Variants in MINK1 observed in about 807,000 individuals in gnomAD.
MINK1 encodes misshapen-like kinase 1.
Under a neutral mutation model 178.4 loss-of-function variants are expected in MINK1, and 46 were observed. The ratio of observed to expected loss-of-function variants is 0.26; its 90% CI spans 0.20 to 0.33. The LOEUF (loss-of-function observed/expected upper bound fraction) is 0.33, where lower values mean the gene tolerates loss of function less well. Ranked by LOEUF, MINK1 falls within the 10% of genes least tolerant of loss-of-function variation. The probability of loss-of-function intolerance (pLI) is 1.00; values close to 1 mark genes in which losing one functional copy is unlikely to be tolerated. For missense variants in MINK1, 1,366 were observed against 1,814.9 expected, an observed-to-expected ratio of 0.75 and a Z score of 4.49; for synonymous variants, 797 against 709.7, an observed-to-expected ratio of 1.12 and a Z score of -1.96.
Position 4,841,528 on chromosome 17 carries a change from T to A in MINK1, c.57+7888T>A, listed in dbSNP as rs11651691. Reference sequence around the variant, plus strand: ...TGTTTTTTTCCCACAAAGCCCCCCCTCCGATTTTGCCAGCCTTTACTGATC... The same window carrying A: ...TGTTTTTTTCCCACAAAGCCCCCCCACCGATTTTGCCAGCCTTTACTGATC... On this transcript the variant is annotated intron_variant, in intron 1 of 31. Coordinates refer to ENST00000355280, the MANE Select transcript of MINK1 (RefSeq NM_153827.5). Among the ~76,000 whole-genome samples the A allele has an allele frequency of 4.6e-3, 694 of 150,128 alleles. 6 individuals carry two copies. The highest frequency in any genetic ancestry group is 0.015 in the African/African-American group (627 of 40,942).
At chr17:4,881,461 C>T (rs1252552079) in intron 4 of MINK1, among the ~76,000 whole-genome samples, 1 of 152,196 alleles carries the variant, frequency 6.6e-6, no homozygotes, top group African/African-American at 2.4e-5. Context: ...TGCAGCATCT[C>T]ATCCTTTGAG....
In MINK1 at chr17:4,870,755, G is replaced by T. The variant is rs866947686; in HGVS notation, c.58-7562G>T. ...CAGGAGGATTGCTTGAGCTCAGGAGGTGGAGGTTGCAGTGAGCTGAGATTA... is the reference window on the plus strand; with the variant it reads ...CAGGAGGATTGCTTGAGCTCAGGAGTTGGAGGTTGCAGTGAGCTGAGATTA... On this transcript the variant is annotated intron_variant, in intron 1 of 31. Coordinates refer to ENST00000355280, the MANE Select transcript of MINK1 (RefSeq NM_153827.5). 2.6e-5 allele frequency among the ~76,000 whole-genome samples: 4 copies of T among 152,230 alleles called. 1 individual carries two copies. The South Asian group carries it at 8.3e-4, about 32-fold the overall frequency.
chr17:4,876,441 A>G (rs773713764), intron 1 of MINK1, among the ~76,000 whole-genome samples: 9 of 152,190 alleles, frequency 5.9e-5, no homozygotes, highest in African/African-American at 9.7e-5. Flanking sequence ...GAAAATGGAA[A>G]AAGTGCACAG....
In MINK1 at chr17:4,895,357, C is replaced by T. The variant is rs1597588826; in HGVS notation, c.3093C>T (p.Asn1031=). The change falls in exon 26 of 32, where the codon AAC becomes AAT. Residue 1031 remains asparagine (N), a synonymous_variant. Transcript: ENST00000355280. The surrounding 1 kb of genome is among the most constrained non-coding windows in gnomAD (Gnocchi z 4.3). ...EILCAALWGV[N]LLVGTENGLM... is the part of the protein sequence containing the mutation. ...CAAGGGCTCCTGTTGCAGGGGTCAA[C>T]CTGCTGGTGGGCACGGAGAACGGGC... is the stretch of plus-strand genomic sequence containing the variant. The T allele has an allele frequency of 1.2e-6, 2 of 1,604,594 alleles. No individual in the cohort carries two copies. Among genetic ancestry groups the T allele is most frequent in the East Asian group, 2.2e-5 (1 of 44,784 alleles).
chr17:4,833,724 T>C lies in MINK1; in HGVS notation c.57+84T>C, dbSNP rs1210828490. 1 of 1,192,510 alleles carries C rather than the reference T, an allele frequency of 8.4e-7. No individual in the cohort carries two copies. Among genetic ancestry groups the C allele is most frequent in the East Asian group, 3.2e-5 (1 of 31,668 alleles). 73.9% of individuals were successfully genotyped at this position (1,192,510 alleles called of 1,614,324 possible). A position where few individuals can be genotyped will look rare whatever the true frequency, so the allele number is the denominator to read the frequency against. ...CGGGGTGGCTGCACGCCTCACGTGC[T>C]CCCGGGCGCCCCCTCCACCAGCTTG... On this transcript the variant is annotated intron_variant, in intron 1 of 31. Coordinates refer to ENST00000355280, the MANE Select transcript of MINK1 (RefSeq NM_153827.5). This position sits in a 1 kb window ranked among gnomAD's most constrained non-coding sequence, Gnocchi z 4.8.
chr17:4,865,888 C>T (rs1048914944), intron 1 of MINK1, among the ~76,000 whole-genome samples: 3 of 152,060 alleles, frequency 2.0e-5, no homozygotes, highest in Admixed American at 6.6e-5. Context: ...GAGTGAGAAC[C>T]TGTCTCAAAA....
chr17:4,875,864 C>T (rs903326892), intron 1 of MINK1, among the ~76,000 whole-genome samples: 2 of 149,706 alleles, frequency 1.3e-5, no homozygotes, highest in African/African-American at 2.5e-5. Flanking sequence ...GGTGTGATCT[C>T]GGCTCACTGC....
intron 4 of MINK1, chr17:4,882,965 A>T (rs1967841000): frequency 6.6e-6 from 1 of 151,912 alleles, no homozygotes. Context: ...TACTGAAAAT[A>T]CAAAAATTAG....
intron 1 of MINK1, among the ~76,000 whole-genome samples, chr17:4,860,256 T>C (rs8078173): frequency 0.13 from 20,120 of 152,108 alleles, 1,627 homozygotes; most frequent in African/African-American, 0.23. Flanking sequence ...GTCGTCCACC[T>C]CTTTCATTCT....
Position 4,891,647 on chromosome 17 carries a change from C to T in MINK1, c.1932C>T (p.Thr644=), listed in dbSNP as rs781208131. The change falls in exon 16 of 32, where the codon ACC becomes ACT. Residue 644 remains threonine (T), a synonymous_variant. Transcript: ENST00000355280. ...TCATCCGCCAGAATTCAGACCCCAC[C>T]TCTGAAGGACCTGGCCCCAGCCCGA... ...GAVIRQNSDP[T]SEGPGPSPNP... The T allele has an allele frequency of 1.9e-6, 3 of 1,600,896 alleles. No homozygotes were observed. In the African/African-American group the frequency reaches 4.0e-5, roughly 21 times the overall value.
chr17:4,850,933 G>A, intron 1 of MINK1: 1 of 445,522 alleles, frequency 2.2e-6, no homozygotes, highest in Non-Finnish European at 4.5e-6. Flanking sequence ...CCACTGCCAT[G>A]CTGTGCCCTT....
rs898962474 is a variant in MINK1 at position 4,885,865 on chromosome 17, C to T, written c.640-46C>T. The T allele has an allele frequency of 6.2e-6, 10 of 1,601,504 alleles. No homozygotes were observed. The African/African-American group carries it at 1.2e-4, about 19-fold the overall frequency. ...TGGTGGGTGAAGAGAGGTTGCAGGGCAGAGTTGTCAGGAATATTCACTTGT... is the reference window on the plus strand; with the variant it reads ...TGGTGGGTGAAGAGAGGTTGCAGGGTAGAGTTGTCAGGAATATTCACTTGT... On this transcript the variant is annotated intron_variant, in intron 7 of 31. Transcript: ENST00000355280. This position sits in a 1 kb window ranked among gnomAD's most constrained non-coding sequence, Gnocchi z 5.0.
At position 4,891,118 on chromosome 17, in the gene MINK1, G is replaced by A. The variant is rs374393940; in HGVS notation, c.1734G>A (p.Pro578=). 4.8e-5 allele frequency: 73 copies of A among 1,526,368 alleles called. 1 individual carries two copies. The South Asian group carries it at 5.3e-4, about 11-fold the overall frequency. The allele number at this position is 1,526,368 out of a possible 1,614,324, so 94.6% of individuals were successfully genotyped here. ...GGCCGGTGGAGCCCCAGGAGGGACC[G>A]CACAAGGTGAGTCTCTCCCCACCCC... is the stretch of plus-strand genomic sequence containing the variant. ...MQRPVEPQEG[P]HKSLVAHRVP... The change falls in exon 15 of 32, where the codon CCG becomes CCA. Residue 578 remains proline, a synonymous_variant. Transcript: ENST00000355280.
At chr17:4,844,909 G>C (rs1424883370) in intron 1 of MINK1, among the ~76,000 whole-genome samples, 1 of 152,018 alleles carries the variant, frequency 6.6e-6, no homozygotes, top group East Asian at 1.9e-4. Flanking sequence ...CACTTCTGTG[G>C]CATTAAGTGC....
intron 1 of MINK1, among the ~76,000 whole-genome samples, chr17:4,850,731 T>C (rs1911819646): frequency 6.6e-6 from 1 of 152,224 alleles, no homozygotes; most frequent in South Asian, 2.1e-4. Flanking sequence ...AGTCTCTTCC[T>C]TGGGTTTGTG....
chr17:4,841,074 G>GTT (rs776312819), intron 1 of MINK1, among the ~76,000 whole-genome samples: 6 of 152,132 alleles, frequency 3.9e-5, no homozygotes, highest in Non-Finnish European at 7.4e-5. Context: ...ATCCACAGCA[G>GTT]GTAAATTCCA....
At chr17:4,847,050 C>G (rs375840556) in intron 1 of MINK1, 9 of 399,990 alleles carry the variant, frequency 2.3e-5, no homozygotes, top group Middle Eastern at 7.1e-4. Flanking sequence ...TGCTACTGCC[C>G]GGATCTCCTG....
At chr17:4,892,359 G>A (rs1031364382) in intron 17 of MINK1, 43 bp from the exon 18 acceptor site, 85 of 1,435,250 alleles carry the variant, frequency 5.9e-5, no homozygotes, top group Non-Finnish European at 7.1e-5. Context: ...TCACCTCAGC[G>A]CCCCCCCGCC....
In MINK1 at chr17:4,894,434, G is replaced by T; in HGVS notation, c.2809-91G>T. On this transcript the variant is annotated intron_variant, in intron 23 of 31. Transcript: ENST00000355280. The surrounding 1 kb of genome is among the most constrained non-coding windows in gnomAD (Gnocchi z 4.1). ...TGGGAGCTGGACAGCGGGGGTGCCA[G>T]TTGGGGAGCTGGAGCCTGGGGAACA... 2 of 1,523,100 alleles carry T rather than the reference G, an allele frequency of 1.3e-6. No individual in the cohort carries two copies. The highest frequency in any genetic ancestry group is 1.8e-6 in the Non-Finnish European group (2 of 1,122,404). 94.3% of individuals were successfully genotyped at this position (1,523,100 alleles called of 1,614,324 possible). A position where few individuals can be genotyped will look rare whatever the true frequency, so the allele number is the denominator to read the frequency against.
Sources: gnomAD v4.1 joint callset for allele counts (sites outside exome capture counted in the v4.1 genomes callset) on GRCh38, gnomAD v4.1.1 for gene constraint, Gnocchi (gnomAD v3.1) non-coding constraint, MANE v1.5 for transcripts, NCBI Gene and HGNC (gene_info 2026-07-23, HGNC 2026-07-21) for gene names.